Variants in KLHL10 observed in about 807,000 individuals in gnomAD.
KLHL10 encodes kelch-like protein 10.
A neutral mutation model predicts 46.6 loss-of-function variants in KLHL10; 11 were observed. The ratio of observed to expected loss-of-function variants is 0.24; its 90% CI spans 0.15 to 0.39. The LOEUF (loss-of-function observed/expected upper bound fraction) is 0.39, where lower values mean the gene tolerates loss of function less well. Among genes scored for constraint, KLHL10 ranks in the 10% least tolerant of loss-of-function variants. KLHL10 has a pLI of 1.00. For missense variants in KLHL10, 475 were observed against 789.8 expected, an observed-to-expected ratio of 0.60 and a Z score of 4.78; for synonymous variants, 254 against 279.1, an observed-to-expected ratio of 0.91 and a Z score of 0.90.
chr17:41,846,948 C>A (rs1038259071), intron 3 of KLHL10, among the ~76,000 whole-genome samples: 1 of 152,114 alleles, frequency 6.6e-6, no homozygotes, highest in East Asian at 1.9e-4. Context: ...AACCTCGTCT[C>A]TACTAAAATA....
At chr17:41,847,741 G>A (rs1404983722) in intron 4 of KLHL10, among the ~76,000 whole-genome samples, 192 bp from the exon 5 acceptor site, 1 of 152,186 alleles carries the variant, frequency 6.6e-6, no homozygotes, top group Non-Finnish European at 1.5e-5. Flanking sequence ...TCCTGACTTT[G>A]TGATCCACCC....
At chr17:41,841,441 A>G (rs2048225426) in intron 1 of KLHL10, among the ~76,000 whole-genome samples, 1 of 152,110 alleles carries the variant, frequency 6.6e-6, no homozygotes, top group Non-Finnish European at 1.5e-5. Context: ...CAGCCTCCCA[A>G]GTAGCTGGGA....
At position 41,839,116 on chromosome 17, in the gene KLHL10, C is replaced by T. The variant is rs567750703; in HGVS notation, c.194+990C>T. Among the ~76,000 whole-genome samples, 13 of 152,272 alleles carry T rather than the reference C, an allele frequency of 8.5e-5. No homozygotes were observed. The East Asian group carries it at 1.7e-3, about 20-fold the overall frequency. On this transcript the variant is annotated intron_variant, in intron 1 of 4. Coordinates refer to ENST00000293303, the MANE Select transcript of KLHL10 (RefSeq NM_152467.5). The stretch of plus-strand genomic sequence containing the variant: ...AAGCGATTCTTCTGTCTCAGCCTCC[C>T]GAGTAGCTGGAATTACAGGCTCCCG...
At chr17:41,838,643 TTTG>T (rs1221693740) in intron 1 of KLHL10, among the ~76,000 whole-genome samples, 2 of 97,844 alleles carry the variant, frequency 2.0e-5, no homozygotes, top group African/African-American at 7.6e-5. Context: ...CTTTTTTTTT[TTTG>T]TTTGTTTTGT....
chr17:41,838,207 C>T (rs1266028755), intron 1 of KLHL10, 81 bp downstream of exon 1: 7 of 1,229,996 alleles, frequency 5.7e-6, no homozygotes, highest in Non-Finnish European at 8.4e-6. Flanking sequence ...TGTTTCCCAC[C>T]CCATCACCTT....
chr17:41,843,598 C>T (rs957529687), intron 2 of KLHL10, among the ~76,000 whole-genome samples: 1 of 151,884 alleles, frequency 6.6e-6, no homozygotes, highest in African/African-American at 2.4e-5. Context: ...AAGACATACT[C>T]AATTACTGAA....
At chr17:41,841,785 AATG>A in intron 1 of KLHL10, 35 bp from the exon 2 acceptor site, 1 of 1,614,018 alleles carries the variant, frequency 6.2e-7, no homozygotes, top group Non-Finnish European at 8.5e-7. Flanking sequence ...ACAGGAGAGA[AATG>A]TTTCCGTGGC....
At chr17:41,846,068 A>C (rs527751497) in intron 3 of KLHL10, among the ~76,000 whole-genome samples, 9 of 151,182 alleles carry the variant, frequency 6.0e-5, no homozygotes, top group African/African-American at 2.2e-4. Flanking sequence ...AAAATTAGCC[A>C]GGCCTGGTGG....
chr17:41,837,465 T>TA, upstream of KLHL10: 5 of 751,256 alleles, frequency 6.7e-6, no homozygotes, highest in Non-Finnish European at 8.2e-6. Flanking sequence ...GAAAGAAATT[T>TA]AATCAGTTTT....
upstream of KLHL10, chr17:41,836,196 C>T (rs1468756693): frequency 8.0e-7 from 1 of 1,249,672 alleles, no homozygotes; most frequent in Non-Finnish European, 1.0e-6. Flanking sequence ...TCTGCCATCC[C>T]GTTCGAGGCC....
upstream of KLHL10, chr17:41,835,815 C>A: frequency 6.5e-7 from 1 of 1,543,580 alleles, no homozygotes; most frequent in Non-Finnish European, 8.8e-7. Context: ...GAAGCCTCTC[C>A]AGCCGCCCCC....
chr17:41,836,368 C>T (rs2048160114), upstream of KLHL10: 1 of 1,225,074 alleles, frequency 8.2e-7, no homozygotes. Flanking sequence ...GTGGGCTTGC[C>T]GGTTGCGCTA....
chr17:41,835,773 G>T, upstream of KLHL10: 1 of 1,305,238 alleles, frequency 7.7e-7, no homozygotes, highest in Non-Finnish European at 1.1e-6. Flanking sequence ...AGGGGTCCGC[G>T]GCAGAGCAAA....
chr17:41,836,184 C>T, upstream of KLHL10: 1 of 1,261,910 alleles, frequency 7.9e-7, no homozygotes, highest in Admixed American at 4.2e-5. Context: ...CTCCTCACCT[C>T]CTCTGCCATC....
intron 4 of KLHL10, 100 bp downstream of exon 4, chr17:41,847,510 CTT>C (rs370591937): frequency 3.3e-3 from 3,808 of 1,138,710 alleles, no homozygotes; most frequent in East Asian, 4.4e-3. Flanking sequence ...ATTTGAAAAG[CTT>C]TTTTTTTTTT....
intron 2 of KLHL10, among the ~76,000 whole-genome samples, chr17:41,844,592 A>G (rs2048263775): frequency 7.6e-6 from 1 of 132,098 alleles, no homozygotes; most frequent in South Asian, 2.3e-4. Context: ...TCTGTGGCCC[A>G]GGCTGGAGTG....
At chr17:41,835,984 G>A, upstream of KLHL10, 1 of 1,551,918 alleles carries the variant, frequency 6.4e-7, no homozygotes, top group Non-Finnish European at 8.7e-7. Context: ...GAGAACCACT[G>A]ACCCCTGCGC....
At chr17:41,844,631 C>A (rs1250649723) in intron 2 of KLHL10, among the ~76,000 whole-genome samples, 7 of 150,294 alleles carry the variant, frequency 4.7e-5, no homozygotes, top group Admixed American at 2.0e-4. Context: ...TCACTGCAAC[C>A]TCTGCCTCCC....
chr17:41,848,259 G>T lies in KLHL10; in HGVS notation c.1779G>T (p.Leu593=). The T allele has an allele frequency of 1.2e-6, 2 of 1,613,598 alleles. No homozygotes were observed. The highest frequency in any genetic ancestry group is 1.7e-6 in the Non-Finnish European group (2 of 1,179,952). Residue 593 remains leucine (L), a synonymous_variant, in exon 5 of 5, where the codon CTG becomes CTT. Coordinates refer to ENST00000293303, the MANE Select transcript of KLHL10 (RefSeq NM_152467.5). ...GGGACAACTTCCCAGGATTAGCACT[G>T]CGAGATGAAGTAAAATATTCTGCTT... The part of the protein sequence containing the change: ...ARRDNFPGLA[L]RDEVKYSAST...
Sources: allele counts gnomAD v4.1 joint callset (sites outside exome capture counted in the v4.1 genomes callset), GRCh38; gene constraint gnomAD v4.1.1; transcripts MANE v1.5; gene names NCBI Gene and HGNC (gene_info 2026-07-23, HGNC 2026-07-21).